The following TRMT11 variants were observed in gnomAD, a reference collection of about 807,000 sequenced individuals.
TRMT11 encodes the protein tRNA (guanine(10)-N(2))-methyltransferase TRMT11.
A neutral mutation model predicts 62.8 loss-of-function variants in TRMT11; 53 were observed. That is an observed-to-expected ratio of 0.84 (90% confidence interval 0.68 to 1.06). The LOEUF (loss-of-function observed/expected upper bound fraction) is 1.06. TRMT11 is among the 50% of genes least tolerant of loss of function. TRMT11 has a pLI of 0.00. For synonymous variants in TRMT11, 188 were observed against 190.3 expected (o/e 0.99, Z 0.10); for missense variants, 556 against 553.4 (o/e 1.00, Z -0.05).
At chr6:126,099,565 G>A (rs758361891) in intron 17 of TRMT11, among the ~76,000 whole-genome samples, 7 of 152,094 alleles carry the variant, frequency 4.6e-5, no homozygotes, top group African/African-American at 1.4e-4. Flanking sequence ...TGGCCAATGC[G>A]GTGAAATCCC....
chr6:126,021,246 G>A lies in TRMT11; in HGVS notation c.1226G>A (p.Arg409His), dbSNP rs1293779627. ...EQKLSSHTSR[R>H]LITMEKVKKF... Reference sequence around the variant, plus strand: ...AAGCTTTCCAGTCACACATCAAGGCGCTTGATCACAATGGAAAAGGTGAAG... The same window carrying A: ...AAGCTTTCCAGTCACACATCAAGGCACTTGATCACAATGGAAAAGGTGAAG... The change falls in exon 12 of 13, where the codon CGC (arginine) becomes CAC (histidine). Residue 409 changes from arginine (R) to histidine (H), a missense_variant. Physicochemically the swap from Arg to His is conservative, Grantham distance 29. Coordinates refer to ENST00000334379, the MANE Select transcript of TRMT11 (RefSeq NM_001031712.3). The A allele has an allele frequency of 1.7e-5, 28 of 1,614,016 alleles. No individual in the cohort carries two copies. Among genetic ancestry groups the A allele is most frequent in the African/African-American group, 2.7e-5 (2 of 74,946 alleles).
chr6:126,268,126 T>A, the TRMT11 span, among the ~76,000 whole-genome samples: 1 of 152,166 alleles, frequency 6.6e-6, no homozygotes, highest in Admixed American at 6.5e-5. Context: ...TGTGTTCCTA[T>A]GAGGATAATT....
chr6:126,098,842 T>C (rs1777366854), intron 17 of TRMT11, among the ~76,000 whole-genome samples: 1 of 152,210 alleles, frequency 6.6e-6, no homozygotes, highest in Non-Finnish European at 1.5e-5. Context: ...TTCAGTAGTT[T>C]AGGAAATTTC....
intron 17 of TRMT11, among the ~76,000 whole-genome samples, chr6:126,100,347 C>T (rs1269757818): frequency 6.6e-6 from 1 of 152,160 alleles, no homozygotes. Context: ...ATTTCAATAG[C>T]TGGAACCAAA....
At chr6:126,039,683 T>C (rs190746358), downstream of TRMT11, among the ~76,000 whole-genome samples, 170 of 152,208 alleles carry the variant, frequency 1.1e-3, no homozygotes, top group African/African-American at 4.0e-3. Context: ...GAAAATATCT[T>C]GCTTGAAAAC....
chr6:126,027,574 C>T (rs1031677401), intron 12 of TRMT11, among the ~76,000 whole-genome samples: 2 of 152,000 alleles, frequency 1.3e-5, no homozygotes, highest in Non-Finnish European at 1.5e-5. Context: ...AGTATGGGTA[C>T]GTTTAATTCA....
the TRMT11 span, among the ~76,000 whole-genome samples, chr6:126,267,367 A>G: frequency 1.6e-4 from 24 of 152,246 alleles, no homozygotes; most frequent in African/African-American, 4.6e-4. Flanking sequence ...AATCTTTACT[A>G]CTGCCTGTAA....
intron 1 of TRMT11, among the ~76,000 whole-genome samples, chr6:126,196,846 C>T (rs1213780227): frequency 2.6e-5 from 4 of 151,942 alleles, no homozygotes; most frequent in Admixed American, 6.5e-5. Context: ...AAATTCAAAA[C>T]TGGGAATTAA....
At chr6:126,202,443 T>TA (rs1778743161), downstream of TRMT11, among the ~76,000 whole-genome samples, 2 of 152,210 alleles carry the variant, frequency 1.3e-5, no homozygotes. Flanking sequence ...TCTGACTACC[T>TA]ATCTGCCTTT....
chr6:126,258,814 T>C, the TRMT11 span, among the ~76,000 whole-genome samples: 9 of 152,192 alleles, frequency 5.9e-5, no homozygotes, highest in African/African-American at 2.2e-4. Flanking sequence ...ACATTTCTTT[T>C]TGTTGATCTT....
At chr6:126,073,563 T>C (rs1255695863) in intron 17 of TRMT11, among the ~76,000 whole-genome samples, 2 of 152,136 alleles carry the variant, frequency 1.3e-5, no homozygotes, top group Non-Finnish European at 2.9e-5. Context: ...ATGAGACCAC[T>C]TTGGAATAGT....
At chr6:126,182,191 A>G (rs1435667650) in intron 1 of TRMT11, among the ~76,000 whole-genome samples, 1 of 152,192 alleles carries the variant, frequency 6.6e-6, no homozygotes, top group Non-Finnish European at 1.5e-5. Flanking sequence ...ACCTTTCTAC[A>G]AAAAGGATGT....
the TRMT11 span, among the ~76,000 whole-genome samples, chr6:126,222,295 T>C: frequency 2.0e-5 from 3 of 152,198 alleles, no homozygotes; most frequent in African/African-American, 7.2e-5. Flanking sequence ...CTATTCAGGC[T>C]CTTTTTTGGT....
the TRMT11 span, among the ~76,000 whole-genome samples, chr6:126,234,589 C>G: frequency 2.0e-5 from 3 of 152,076 alleles, no homozygotes; most frequent in South Asian, 4.2e-4. Flanking sequence ...CAGGAAGATA[C>G]CTGATTTGTG....
intron 3 of TRMT11, 127 bp from the exon 4 acceptor site, chr6:125,997,926 A>G: frequency 4.4e-6 from 3 of 674,422 alleles, no homozygotes; most frequent in Non-Finnish European, 2.6e-6. Flanking sequence ...TAACCGATTC[A>G]TTTATACTTT....
chr6:126,169,978 C>A (rs1389371278), intron 21 of TRMT11, among the ~76,000 whole-genome samples: 2 of 152,038 alleles, frequency 1.3e-5, no homozygotes, highest in Non-Finnish European at 2.9e-5. Flanking sequence ...TACTCTCTTG[C>A]AATTTATTTT....
At chr6:126,230,751 A>C in the TRMT11 span, among the ~76,000 whole-genome samples, 1 of 152,012 alleles carries the variant, frequency 6.6e-6, no homozygotes, top group South Asian at 2.1e-4. Context: ...ACTTTTAAAT[A>C]TATAAAATAT....
At chr6:126,223,834 T>C in the TRMT11 span, among the ~76,000 whole-genome samples, 2 of 152,194 alleles carry the variant, frequency 1.3e-5, no homozygotes, top group African/African-American at 4.8e-5. Context: ...CCCATATTTC[T>C]TGGAGGTTTT....
intron 12 of TRMT11, among the ~76,000 whole-genome samples, chr6:126,021,609 C>T (rs1012029237): frequency 1.3e-5 from 2 of 152,130 alleles, no homozygotes; most frequent in East Asian, 1.9e-4. Context: ...TCCTAGTTAC[C>T]ATTTTTCTCC....
Sources: gnomAD v4.1 joint callset for allele counts (sites outside exome capture counted in the v4.1 genomes callset) on GRCh38, gnomAD v4.1.1 for gene constraint, MANE v1.5 for transcripts, NCBI Gene and HGNC (gene_info 2026-07-23, HGNC 2026-07-21) for gene names.